The following ARHGEF3 variants were observed in gnomAD, a reference collection of about 807,000 sequenced individuals.
ARHGEF3 encodes 59.8 kDA protein.
A neutral mutation model predicts 63.2 loss-of-function variants in ARHGEF3; 28 were observed. The ratio of observed to expected loss-of-function variants is 0.44; its 90% CI spans 0.33 to 0.61. The LOEUF (loss-of-function observed/expected upper bound fraction) is 0.61. Ranked by LOEUF, ARHGEF3 falls within the 20% of genes least tolerant of loss-of-function variation. The pLI is 0.03. For synonymous variants in ARHGEF3, 266 were observed against 254.2 expected (o/e 1.05, Z -0.44); for missense variants, 533 against 659.3 (o/e 0.81, Z 2.10).
intron 3 of ARHGEF3, among the ~76,000 whole-genome samples, chr3:56,912,629 AGT>A (rs1305428913): frequency 1.3e-5 from 2 of 152,240 alleles, no homozygotes; most frequent in African/African-American, 4.8e-5. Context: ...ATCTGAGTAA[AGT>A]GTTTAGATAA....
intron 1 of ARHGEF3, among the ~76,000 whole-genome samples, chr3:57,057,259 G>A (rs11710181): frequency 0.1 from 15,826 of 151,960 alleles, 1,041 homozygotes; most frequent in East Asian, 0.29. Flanking sequence ...TTACAGGTGC[G>A]TGCCACCACA....
chr3:56,948,978 G>A (rs1189231577), intron 3 of ARHGEF3, among the ~76,000 whole-genome samples: 5 of 151,886 alleles, frequency 3.3e-5, no homozygotes, highest in Admixed American at 6.6e-5. Context: ...TTCAACATAC[G>A]CAAATCAATA....
intron 3 of ARHGEF3, among the ~76,000 whole-genome samples, chr3:56,927,328 G>A (rs759456881): frequency 6.6e-5 from 10 of 152,108 alleles, no homozygotes; most frequent in South Asian, 2.1e-4. Context: ...GCAACATGAC[G>A]GATAATAAGC....
At chr3:56,958,140 T>C (rs747409552) in intron 3 of ARHGEF3, among the ~76,000 whole-genome samples, 1 of 152,128 alleles carries the variant, frequency 6.6e-6, no homozygotes, top group Non-Finnish European at 1.5e-5. Context: ...TAATAAACTC[T>C]ACATTTCTGA....
At chr3:57,004,212 C>T (rs13081899) in intron 2 of ARHGEF3, among the ~76,000 whole-genome samples, 56,024 of 152,100 alleles carry the variant, frequency 0.37, 10,529 homozygotes, top group South Asian at 0.4. Flanking sequence ...AGAATGTCCT[C>T]GTCAGCCACA....
At chr3:56,795,033 A>ATTT (rs34029903) in intron 1 of ARHGEF3, among the ~76,000 whole-genome samples, 11 of 144,686 alleles carry the variant, frequency 7.6e-5, no homozygotes, top group East Asian at 4.0e-4. Flanking sequence ...GAATTCTTTG[A>ATTT]TTTTTTTTTT....
chr3:56,846,301 A>T (rs1271885231), intron 4 of ARHGEF3, among the ~76,000 whole-genome samples: 1 of 152,228 alleles, frequency 6.6e-6, no homozygotes, highest in Non-Finnish European at 1.5e-5. Context: ...AGAAATTAGA[A>T]AATGGGGCAG....
In ARHGEF3 at chr3:56,801,740, TC is replaced by T; in HGVS notation, c.58del (p.Glu20SerfsTer29). ...GGCCGGACCGCTGGCCGGGGGTAGC[TC>T]CAGGCTGCAGTTCGCTCTCTTGACC... ...LTVKRANCSL[E>X]LPPASGPAKD... On this transcript the variant is annotated frameshift_variant, in exon 1 of 10. Coordinates refer to ENST00000296315, the MANE Select transcript of ARHGEF3 (RefSeq NM_019555.3). LOFTEE classifies it high-confidence loss of function. The T allele has an allele frequency of 1.3e-6, 2 of 1,568,932 alleles. No homozygotes were observed. Among genetic ancestry groups the T allele is most frequent in the Admixed American group, 1.9e-5 (1 of 53,676 alleles).
At chr3:57,020,797 A>T (rs1452175893) in intron 2 of ARHGEF3, among the ~76,000 whole-genome samples, 1 of 152,234 alleles carries the variant, frequency 6.6e-6, no homozygotes, top group Non-Finnish European at 1.5e-5. Context: ...CCTGTGGGCC[A>T]TTACATTCCC....
intron 3 of ARHGEF3, among the ~76,000 whole-genome samples, chr3:56,917,232 A>G (rs2042012590): frequency 6.6e-6 from 1 of 152,010 alleles, no homozygotes; most frequent in Admixed American, 6.6e-5. Flanking sequence ...CAGCACTCTC[A>G]CCCTCCTTGC....
At chr3:57,022,819 G>A (rs12488309) in intron 2 of ARHGEF3, among the ~76,000 whole-genome samples, 27,216 of 148,706 alleles carry the variant, frequency 0.18, 2,789 homozygotes, top group East Asian at 0.39. Context: ...TGATCCACAC[G>A]TATGACCGTC....
chr3:56,819,433 T>C (rs529337422), intron 4 of ARHGEF3, among the ~76,000 whole-genome samples: 194 of 152,166 alleles, frequency 1.3e-3, no homozygotes, highest in Non-Finnish European at 2.2e-3. Flanking sequence ...AACCCAGCCC[T>C]GTGGAGCTAG....
chr3:56,846,115 T>C (rs990572819), intron 4 of ARHGEF3, among the ~76,000 whole-genome samples: 5 of 152,202 alleles, frequency 3.3e-5, no homozygotes, highest in Non-Finnish European at 7.3e-5. Flanking sequence ...ATCTGTTTGT[T>C]ATAGAGTAAT....
intron 7 of ARHGEF3, among the ~76,000 whole-genome samples, chr3:56,738,101 T>C (rs963423623): frequency 1.3e-5 from 2 of 152,204 alleles, no homozygotes; most frequent in African/African-American, 2.4e-5. Context: ...TGGAGTGCAG[T>C]GGCGTGATCT....
At chr3:56,916,481 T>A (rs2041994687) in intron 3 of ARHGEF3, 2 of 1,392,012 alleles carry the variant, frequency 1.4e-6, no homozygotes, top group African/African-American at 2.9e-5. Context: ...TGACAGGAAG[T>A]GACAGGGGCC....
chr3:56,877,879 G>A (rs894298942), intron 4 of ARHGEF3, among the ~76,000 whole-genome samples: 4 of 151,932 alleles, frequency 2.6e-5, no homozygotes, highest in Non-Finnish European at 5.9e-5. Flanking sequence ...GCTACATGGG[G>A]TTTTCTATTA....
At chr3:56,846,699 A>G (rs1031824835) in intron 4 of ARHGEF3, among the ~76,000 whole-genome samples, 3 of 152,094 alleles carry the variant, frequency 2.0e-5, no homozygotes, top group African/African-American at 4.8e-5. Context: ...TAACTTCACA[A>G]CTTTTTTCCC....
intron 1 of ARHGEF3, among the ~76,000 whole-genome samples, chr3:57,067,666 C>T (rs987236898): frequency 3.2e-4 from 48 of 150,498 alleles, no homozygotes; most frequent in African/African-American, 1.1e-3. Context: ...GAGACCCAGT[C>T]TCTACAAAAA....
chr3:56,952,363 T>C (rs889499093), intron 3 of ARHGEF3, among the ~76,000 whole-genome samples: 1 of 152,106 alleles, frequency 6.6e-6, no homozygotes, highest in African/African-American at 2.4e-5. Flanking sequence ...CCAAATGAAC[T>C]TGGAAGAAGA....
Sources: gnomAD v4.1 joint callset for allele counts (sites outside exome capture counted in the v4.1 genomes callset) on GRCh38, gnomAD v4.1.1 for gene constraint, MANE v1.5 for transcripts, NCBI Gene and HGNC (gene_info 2026-07-23, HGNC 2026-07-21) for gene names.